OSBPL3: variants seen among roughly 807,000 people sequenced by gnomAD.
The protein encoded by OSBPL3 is oxysterol-binding protein-related protein 3.
Under a neutral mutation model 120.1 loss-of-function variants are expected in OSBPL3, and 65 were observed. That is an observed-to-expected ratio of 0.54 (90% CI 0.44 to 0.67). The LOEUF (loss-of-function observed/expected upper bound fraction) is 0.67, where lower values mean the gene tolerates loss of function less well. Ranked by LOEUF, OSBPL3 falls within the 30% of genes least tolerant of loss-of-function variation. The pLI is 0.00. For synonymous variants in OSBPL3, 416 were observed against 402.6 expected (o/e 1.03, Z -0.40); for missense variants, 1,004 against 1,082.1 (o/e 0.93, Z 1.01).
intron 1 of OSBPL3, among the ~76,000 whole-genome samples, chr7:24,910,834 C>G (rs554380170): frequency 6.6e-6 from 1 of 152,288 alleles, no homozygotes; most frequent in East Asian, 1.9e-4. Flanking sequence ...GCATGGAGGA[C>G]AAAGCTGTGA....
At position 24,896,173 on chromosome 7, in the gene OSBPL3, T is replaced by C. The variant is rs1806107724; in HGVS notation, c.-149-3552A>G. On this transcript the variant is annotated intron_variant, in intron 1 of 22. Coordinates refer to ENST00000313367, the MANE Select transcript of OSBPL3 (RefSeq NM_015550.4). The surrounding 1 kb of genome is among the most constrained non-coding windows in gnomAD (Gnocchi z 4.4). ...GTGTGACAGAATTCGGTTTGGGATC[T>C]GCTTTTGTTTCAACAAACCACCTGG... is the stretch of plus-strand genomic sequence containing the variant. 6.6e-6 allele frequency among the ~76,000 whole-genome samples: 1 copy of C among 152,230 alleles called. No homozygotes were observed. Among genetic ancestry groups the C allele is most frequent in the South Asian group, 2.1e-4 (1 of 4,834 alleles).
At chr7:24,865,489 C>T (rs541071492) in intron 6 of OSBPL3, 24 bp from the exon 7 acceptor site, 1 of 1,610,726 alleles carries the variant, frequency 6.2e-7, no homozygotes, top group Non-Finnish European at 8.5e-7. Flanking sequence ...GACAAAAGCA[C>T]ATTGTAAATG....
intron 1 of OSBPL3, among the ~76,000 whole-genome samples, chr7:24,915,409 C>A (rs1160369618): frequency 6.6e-6 from 1 of 152,066 alleles, no homozygotes; most frequent in Non-Finnish European, 1.5e-5. Context: ...GAAATGTGAA[C>A]AACCTCTTTA....
chr7:24,973,813 T>C (rs1817285449), intron 1 of OSBPL3, among the ~76,000 whole-genome samples: 2 of 152,208 alleles, frequency 1.3e-5, no homozygotes, highest in South Asian at 4.1e-4. Context: ...AAAAATATTA[T>C]ACTCCAGACT....
rs1243265293 is a variant in OSBPL3 at position 24,871,734 on chromosome 7, A to G, written c.267+8T>C. 1.2e-6 allele frequency: 2 copies of G among 1,609,220 alleles called. No individual in the cohort carries two copies. Among genetic ancestry groups the G allele is most frequent in the Non-Finnish European group, 1.7e-6 (2 of 1,175,638 alleles). On this transcript the variant is annotated splice_region_variant and intron_variant, in intron 4 of 22. Coordinates refer to ENST00000313367, the MANE Select transcript of OSBPL3 (RefSeq NM_015550.4). The surrounding 1 kb of genome is among the most constrained non-coding windows in gnomAD (Gnocchi z 4.8). ...TCAATACCACAGTGGGCCCACAAAA[A>G]GACTTACATCGGTTTGGCTCTTGGC...
intron 14 of OSBPL3, among the ~76,000 whole-genome samples, chr7:24,840,173 T>C (rs1797557538): frequency 6.6e-6 from 1 of 152,058 alleles, no homozygotes; most frequent in African/African-American, 2.4e-5. Flanking sequence ...GGTCCATGTC[T>C]TAGTTTTCTT....
In OSBPL3 at chr7:24,818,086, C is replaced by A. The variant is rs1293596683; in HGVS notation, c.1949-1398G>T. 6.6e-6 allele frequency among the ~76,000 whole-genome samples: 1 copy of A among 151,974 alleles called. No individual in the cohort carries two copies. The highest frequency in any genetic ancestry group is 1.5e-5 in the Non-Finnish European group (1 of 68,018). ...CACAGTGGGCCTCATATTGTTTAAT[C>A]CTATTTATATAAAATGCCCCAAACA... is the stretch of plus-strand genomic sequence containing the variant. On this transcript the variant is annotated intron_variant, in intron 17 of 22. Transcript: ENST00000313367. This position sits in a 1 kb window ranked among gnomAD's most constrained non-coding sequence, Gnocchi z 4.0.
chr7:24,822,620 T>C lies in OSBPL3; in HGVS notation c.1885-2382A>G, dbSNP rs1032007627. 1.3e-5 allele frequency among the ~76,000 whole-genome samples: 2 copies of C among 152,202 alleles called. No homozygotes were observed. Among genetic ancestry groups the C allele is most frequent in the African/African-American group, 4.8e-5 (2 of 41,436 alleles). ...TCATCCCACAAAAACAATGTAGCAA[T>C]GTGGGAGAGGAGCACTATAGCTTTG... On this transcript the variant is annotated intron_variant, in intron 16 of 22. Transcript: ENST00000313367. This position sits in a 1 kb window ranked among gnomAD's most constrained non-coding sequence, Gnocchi z 5.8.
chr7:24,940,720 T>C lies in OSBPL3; in HGVS notation c.-150+39166A>G, dbSNP rs1239655657. Among the ~76,000 whole-genome samples the C allele has an allele frequency of 6.6e-6, 1 of 151,812 alleles. No individual in the cohort carries two copies. Among genetic ancestry groups the C allele is most frequent in the Admixed American group, 6.6e-5 (1 of 15,248 alleles). On this transcript the variant is annotated intron_variant, in intron 1 of 22. Transcript: ENST00000313367. This position sits in a 1 kb window ranked among gnomAD's most constrained non-coding sequence, Gnocchi z 4.4. ...TCCTCAATATAAGCACAGCAGAGGATAACAACAGGCCAGGAACTCTAAGGC... is the reference window on the plus strand; with the variant it reads ...TCCTCAATATAAGCACAGCAGAGGACAACAACAGGCCAGGAACTCTAAGGC...
chr7:24,872,553 T>C lies in OSBPL3; in HGVS notation c.97-484A>G, dbSNP rs557714231. Among the ~76,000 whole-genome samples the C allele has an allele frequency of 1.6e-3, 246 of 151,932 alleles. 1 individual carries two copies. The highest frequency in any genetic ancestry group is 5.8e-3 in the African/African-American group (242 of 41,450). ...GTATGAGACAATGCAAATCAGTAAA[T>C]ATGACAACTTGATTGAAATAATTAT... On this transcript the variant is annotated intron_variant, in intron 2 of 22. Transcript: ENST00000313367. The surrounding 1 kb of genome is among the most constrained non-coding windows in gnomAD (Gnocchi z 4.1).
In OSBPL3 at chr7:24,873,253, A is replaced by G. The variant is rs950318776; in HGVS notation, c.97-1184T>C. Among the ~76,000 whole-genome samples the G allele has an allele frequency of 1.3e-5, 2 of 152,216 alleles. No individual in the cohort carries two copies. Among genetic ancestry groups the G allele is most frequent in the African/African-American group, 4.8e-5 (2 of 41,456 alleles). ...GCACCAGGGAGCAGGAGGCAGTTAG[A>G]TTCAAGTCCTGGGACACAAGTGGTC... On this transcript the variant is annotated intron_variant, in intron 2 of 22. Coordinates refer to ENST00000313367, the MANE Select transcript of OSBPL3 (RefSeq NM_015550.4). The surrounding 1 kb of genome is among the most constrained non-coding windows in gnomAD (Gnocchi z 4.1).
In OSBPL3 at chr7:24,970,132, C is replaced by T. The variant is rs190463088; in HGVS notation, c.-150+9754G>A. ...TTTTTTTTTTTTTTTTTTTTTGAGACGGTGTCTCGCTCTTGTCGTCTAGGG... is the reference window on the plus strand; with the variant it reads ...TTTTTTTTTTTTTTTTTTTTTGAGATGGTGTCTCGCTCTTGTCGTCTAGGG... On this transcript the variant is annotated intron_variant, in intron 1 of 22. Transcript: ENST00000313367. 3.0e-3 allele frequency among the ~76,000 whole-genome samples: 309 copies of T among 103,992 alleles called. 3 individuals are homozygous for T. The highest frequency in any genetic ancestry group is 0.011 in the African/African-American group (293 of 26,096). The allele number at this position is 103,992 out of a possible 152,430, so 68.2% of individuals were successfully genotyped here.
intron 1 of OSBPL3, among the ~76,000 whole-genome samples, chr7:24,977,574 G>GGGC (rs1432890111): frequency 5.9e-5 from 9 of 151,902 alleles, no homozygotes; most frequent in African/African-American, 2.2e-4. Flanking sequence ...TTAAGCTTAC[G>GGGC]GGCAGGGCGC....
intron 1 of OSBPL3, among the ~76,000 whole-genome samples, chr7:24,909,789 T>TTG (rs1269781891): frequency 2.3e-5 from 2 of 86,236 alleles, no homozygotes; most frequent in African/African-American, 7.2e-5. Context: ...CTTTCTTTTT[T>TTG]TTTTTTTTTT....
rs959016143 is a variant in OSBPL3, at chr7:24,797,404, A to AGGTG, written c.*2775_*2778dup. On this transcript the variant is annotated 3_prime_UTR_variant, in exon 23 of 23. Transcript: ENST00000313367. The surrounding 1 kb of genome is among the most constrained non-coding windows in gnomAD (Gnocchi z 4.8). ...GGCATCCTGGGTACTTCTTGCCCTC[A>AGGTG]GGTGAACTCCCATCTCTTTAGTTAG... 5 of 152,220 alleles carry AGGTG rather than the reference A, an allele frequency of 3.3e-5. No individual in the cohort carries two copies. Among genetic ancestry groups the AGGTG allele is most frequent in the Admixed American group, 3.3e-4 (5 of 15,290 alleles). The allele number at this position is 152,220 out of a possible 1,614,324, so 9.4% of individuals were successfully genotyped here.
chr7:24,935,612 A>G (rs1812315397), intron 1 of OSBPL3, among the ~76,000 whole-genome samples: 1 of 152,186 alleles, frequency 6.6e-6, no homozygotes, highest in Non-Finnish European at 1.5e-5. Flanking sequence ...GTATGCTTAT[A>G]TCTAAAAAGA....
In OSBPL3 at chr7:24,849,161, T is replaced by C; in HGVS notation, c.1174A>G (p.Thr392Ala). Residue 392 changes from threonine (T) to alanine (A), a missense_variant, in exon 12 of 23, where the codon ACA (threonine) becomes GCA (alanine). Physicochemically the swap from Thr to Ala is moderately conservative, Grantham distance 58 (BLOSUM62 0). Transcript: ENST00000313367. The surrounding 1 kb of genome is among the most constrained non-coding windows in gnomAD (Gnocchi z 5.4). ...CTGCGTAAGCGTTCTTTAAGATCTG[T>C]GTTTTGTGCTAGGGCCTGGAACATG... The part of the protein sequence containing the change: ...NALSSALAQN[T>A]DLKERLRRIH... The C allele has an allele frequency of 6.2e-7, 1 of 1,613,626 alleles. No individual in the cohort carries two copies. Among genetic ancestry groups the C allele is most frequent in the Non-Finnish European group, 8.5e-7 (1 of 1,179,604 alleles).
At chr7:24,829,214 A>G (rs527299593) in intron 16 of OSBPL3, among the ~76,000 whole-genome samples, 1 of 152,150 alleles carries the variant, frequency 6.6e-6, no homozygotes, top group Non-Finnish European at 1.5e-5. Flanking sequence ...TGGAAACCAA[A>G]TTATATTTTC....
At position 24,953,366 on chromosome 7, in the gene OSBPL3, G is replaced by A. The variant is rs924674175; in HGVS notation, c.-150+26520C>T. On this transcript the variant is annotated intron_variant, in intron 1 of 22. Coordinates refer to ENST00000313367, the MANE Select transcript of OSBPL3 (RefSeq NM_015550.4). This position sits in a 1 kb window ranked among gnomAD's most constrained non-coding sequence, Gnocchi z 4.3. ...TCTTTCAAAAAAAATTATACCAGCA[G>A]GTTCTAATTTCCTATCCCTGCCAGA... 6.6e-6 allele frequency among the ~76,000 whole-genome samples: 1 copy of A among 151,944 alleles called. No homozygotes were observed. The highest frequency in any genetic ancestry group is 1.5e-5 in the Non-Finnish European group (1 of 67,994).
Sources: gnomAD v4.1 joint callset for allele counts (sites outside exome capture counted in the v4.1 genomes callset) on GRCh38, gnomAD v4.1.1 for gene constraint, Gnocchi (gnomAD v3.1) non-coding constraint, MANE v1.5 for transcripts, NCBI Gene and HGNC (gene_info 2026-07-23, HGNC 2026-07-21) for gene names.